Variants in TCF12 observed in about 807,000 individuals in gnomAD.
The protein encoded by TCF12 is transcription factor 12, also known as DNA-binding protein HTF4.
TCF12 carries 45 observed loss-of-function variants against 86.0 expected under a neutral mutation model. That is an observed-to-expected ratio of 0.52 (90% CI 0.41 to 0.67). The LOEUF (loss-of-function observed/expected upper bound fraction) is 0.67, where lower values mean the gene tolerates loss of function less well. TCF12 is among the 30% of genes least tolerant of loss of function. TCF12 has a pLI of 0.00. For synonymous variants in TCF12, 330 were observed against 299.6 expected, an observed-to-expected ratio of 1.10 and a Z score of -1.05; for missense variants, 881 against 859.9, an observed-to-expected ratio of 1.02 and a Z score of -0.31.
chr15:57,123,516 T>G (rs988504016), intron 5 of TCF12, among the ~76,000 whole-genome samples: 5 of 152,008 alleles, frequency 3.3e-5, no homozygotes, highest in Admixed American at 1.3e-4. Context: ...ACTTCTCTTT[T>G]TTTTTTTCTT....
In TCF12 at chr15:57,177,098, TG is replaced by T. The variant is rs147471622; in HGVS notation, c.390+10633del. On this transcript the variant is annotated intron_variant, in intron 6 of 20. Coordinates refer to ENST00000333725, the MANE Select transcript of TCF12 (RefSeq NM_207037.2). ...TGGCACACAGTAGGCATTGAGAAAATGTTGTTTGAATCTGAACCATGTGATC... is the reference window on the plus strand; with the variant it reads ...TGGCACACAGTAGGCATTGAGAAAATTTGTTTGAATCTGAACCATGTGATC... Among the ~76,000 whole-genome samples, 407 of 152,048 alleles carry T rather than the reference TG, an allele frequency of 2.7e-3. 2 individuals are homozygous for T. Among genetic ancestry groups the T allele is most frequent in the African/African-American group, 9.1e-3 (376 of 41,458 alleles).
At chr15:57,187,303 A>G (rs376136165) in intron 6 of TCF12, among the ~76,000 whole-genome samples, 2 of 152,204 alleles carry the variant, frequency 1.3e-5, no homozygotes, top group African/African-American at 2.4e-5. Flanking sequence ...ACCCACAGCT[A>G]ATATACTTGT....
At chr15:57,075,834 C>CT (rs748324616) in intron 4 of TCF12, among the ~76,000 whole-genome samples, 1 of 48,902 alleles carries the variant, frequency 2.0e-5, no homozygotes, top group Non-Finnish European at 4.1e-5. Flanking sequence ...CTCTCTCTCT[C>CT]TTTTCTTTCT....
intron 5 of TCF12, among the ~76,000 whole-genome samples, chr15:57,157,069 G>A (rs2054160776): frequency 2.0e-5 from 3 of 152,200 alleles, no homozygotes. Flanking sequence ...ATTATTTGGT[G>A]ATGTGATTGT....
intron 5 of TCF12, among the ~76,000 whole-genome samples, chr15:57,131,832 A>G (rs1021262191): frequency 6.6e-6 from 1 of 152,236 alleles, no homozygotes; most frequent in African/African-American, 2.4e-5. Context: ...CTAAACAACA[A>G]ATAGTAAGAA....
intron 8 of TCF12, among the ~76,000 whole-genome samples, chr15:57,223,653 T>TA (rs1555400235): frequency 7.4e-6 from 1 of 135,294 alleles, no homozygotes; most frequent in Non-Finnish European, 1.6e-5. Flanking sequence ...GTTTTTTTTT[T>TA]TTTTTTTTTT....
intron 18 of TCF12, among the ~76,000 whole-genome samples, chr15:57,267,202 A>G (rs2060910459): frequency 6.6e-6 from 1 of 152,208 alleles, no homozygotes; most frequent in South Asian, 2.1e-4. Context: ...TGGTAGATAA[A>G]ACTAAAAGAA....
intron 5 of TCF12, among the ~76,000 whole-genome samples, chr15:57,103,587 A>G (rs2049911065): frequency 6.6e-6 from 1 of 152,230 alleles, no homozygotes; most frequent in African/African-American, 2.4e-5. Context: ...TGTTAGCTCT[A>G]CCACAATGGA....
chr15:57,079,617 A>C (rs1448717643), intron 4 of TCF12, among the ~76,000 whole-genome samples: 1 of 152,172 alleles, frequency 6.6e-6, no homozygotes, highest in Non-Finnish European at 1.5e-5. Context: ...GATTTTATTC[A>C]ATTCTAGTAG....
chr15:56,941,627 G>C lies in TCF12; in HGVS notation c.148+20529G>C, dbSNP rs192167575. Among the ~76,000 whole-genome samples, 14 of 151,382 alleles carry C rather than the reference G, an allele frequency of 9.2e-5. 1 individual carries two copies. The East Asian group carries it at 2.7e-3, about 30-fold the overall frequency. On this transcript the variant is annotated intron_variant, in intron 3 of 20. Coordinates refer to ENST00000333725, the MANE Select transcript of TCF12 (RefSeq NM_207037.2). Reference sequence around the variant, plus strand: ...TGACCTCAGGTGATCCGCCTTCCTCGGCCTCCCAAAGTGCTGGGATTACAG... The same window carrying C: ...TGACCTCAGGTGATCCGCCTTCCTCCGCCTCCCAAAGTGCTGGGATTACAG...
chr15:57,256,959 A>T (rs1421775907), intron 16 of TCF12, among the ~76,000 whole-genome samples: 1 of 152,232 alleles, frequency 6.6e-6, no homozygotes, highest in South Asian at 2.1e-4. Flanking sequence ...AGGGTTTGAT[A>T]TGCTTTTTCT....
At chr15:57,155,234 C>A (rs1313193603) in intron 5 of TCF12, among the ~76,000 whole-genome samples, 1 of 152,084 alleles carries the variant, frequency 6.6e-6, no homozygotes, top group Non-Finnish European at 1.5e-5. Context: ...ATTCCTCATT[C>A]CTCCATTCAG....
At chr15:57,269,360 CTT>C (rs56700978) in intron 18 of TCF12, among the ~76,000 whole-genome samples, 27 of 32,002 alleles carry the variant, frequency 8.4e-4, no homozygotes, top group Admixed American at 2.3e-3. Context: ...ACAACCCCTG[CTT>C]TTTTTTTTTT....
intron 3 of TCF12, among the ~76,000 whole-genome samples, chr15:57,028,879 C>A (rs1567282099): frequency 6.6e-6 from 1 of 151,806 alleles, no homozygotes; most frequent in Admixed American, 6.6e-5. Context: ...GCTCACTGCA[C>A]CTTCTCCCTC....
intron 18 of TCF12, among the ~76,000 whole-genome samples, chr15:57,267,051 A>C (rs1437392729): frequency 6.6e-6 from 1 of 152,214 alleles, no homozygotes; most frequent in African/African-American, 2.4e-5. Context: ...TTTCTAATGA[A>C]AATTTAAAAG....
chr15:57,020,610 A>C (rs1415472587), intron 3 of TCF12, among the ~76,000 whole-genome samples: 1 of 152,224 alleles, frequency 6.6e-6, no homozygotes, highest in Non-Finnish European at 1.5e-5. Flanking sequence ...GTCTTACTCA[A>C]AGCTAATATA....
At chr15:56,989,677 G>A (rs918797794) in intron 3 of TCF12, among the ~76,000 whole-genome samples, 13 of 152,150 alleles carry the variant, frequency 8.5e-5, no homozygotes, top group South Asian at 4.1e-4. Flanking sequence ...CAGTTTGCTG[G>A]TTTCTAGAGG....
intron 3 of TCF12, among the ~76,000 whole-genome samples, chr15:57,004,146 AT>A (rs1487614094): frequency 6.6e-6 from 1 of 152,022 alleles, no homozygotes; most frequent in Non-Finnish European, 1.5e-5. Context: ...TAGCTGTATA[AT>A]TATTCTCTTC....
chr15:57,186,358 G>A (rs1338813086), intron 6 of TCF12, among the ~76,000 whole-genome samples: 2 of 152,100 alleles, frequency 1.3e-5, no homozygotes, highest in Admixed American at 1.3e-4. Flanking sequence ...AATTAACCGA[G>A]TGTGATGGCA....
Sources: allele counts gnomAD v4.1 joint callset (sites outside exome capture counted in the v4.1 genomes callset), GRCh38; gene constraint gnomAD v4.1.1; transcripts MANE v1.5; gene names NCBI Gene and HGNC (gene_info 2026-07-23, HGNC 2026-07-21).